The following CTNNA3 variants were observed in gnomAD, a reference collection of about 807,000 sequenced individuals.
CTNNA3 encodes catenin alpha-3.
A neutral mutation model predicts 95.7 loss-of-function variants in CTNNA3; 76 were observed. The ratio of observed to expected loss-of-function variants is 0.79; its 90% confidence interval spans 0.66 to 0.96. The LOEUF is 0.96. Among genes scored for constraint, CTNNA3 ranks in the 40% least tolerant of loss-of-function variants. The probability of loss-of-function intolerance (pLI) is 0.00; values close to 1 mark genes in which losing one functional copy is unlikely to be tolerated. For synonymous variants in CTNNA3, 431 were observed against 374.4 expected, an observed-to-expected ratio of 1.15 and a Z score of -1.74; for missense variants, 1,191 against 1,089.8, an observed-to-expected ratio of 1.09 and a Z score of -1.31.
Position 66,351,699 on chromosome 10 carries a change from G to C in CTNNA3, c.1732+27453C>G, listed in dbSNP as rs2092568151. 4.6e-5 allele frequency among the ~76,000 whole-genome samples: 7 copies of C among 152,052 alleles called. No homozygotes were observed. In the South Asian group the frequency reaches 1.5e-3, roughly 32 times the overall value. On this transcript the variant is annotated intron_variant, in intron 12 of 17. Coordinates refer to ENST00000433211, the MANE Select transcript of CTNNA3 (RefSeq NM_013266.4). ...TTGCACTATCATGTTTAGTAGCATG[G>C]AGAATTTGGTATGGGAAGGTCAAGA...
intron 15 of CTNNA3, among the ~76,000 whole-genome samples, chr10:65,997,818 A>G (rs1003049180): frequency 6.6e-6 from 1 of 152,134 alleles, no homozygotes; most frequent in Non-Finnish European, 1.5e-5. Context: ...GGAGTTCAAG[A>G]CTAGCCTGAG....
chr10:67,574,703 T>C (rs368813705), intron 3 of CTNNA3, among the ~76,000 whole-genome samples: 16 of 151,598 alleles, frequency 1.1e-4, no homozygotes, highest in African/African-American at 3.6e-4. Flanking sequence ...GCCTCAGCCT[T>C]CTGACAAGCT....
chr10:66,220,326 A>G (rs1378663845), intron 13 of CTNNA3, among the ~76,000 whole-genome samples: 1 of 152,114 alleles, frequency 6.6e-6, no homozygotes, highest in Non-Finnish European at 1.5e-5. Flanking sequence ...ATTGAAGTGT[A>G]TCCTTTTGAA....
intron 2 of CTNNA3, among the ~76,000 whole-genome samples, chr10:67,613,636 C>T (rs1044504465): frequency 1.3e-5 from 2 of 151,986 alleles, no homozygotes; most frequent in Non-Finnish European, 2.9e-5. Flanking sequence ...TTTGCCCCCC[C>T]CAACAAAGAC....
chr10:67,467,203 T>C (rs1268858844), intron 5 of CTNNA3, among the ~76,000 whole-genome samples: 1 of 152,148 alleles, frequency 6.6e-6, no homozygotes, highest in Admixed American at 6.6e-5. Context: ...TTTCACATTT[T>C]AAAATTTCAG....
At chr10:67,661,476 GA>G (rs1840187947) in intron 1 of CTNNA3, among the ~76,000 whole-genome samples, 1 of 151,924 alleles carries the variant, frequency 6.6e-6, no homozygotes, top group African/African-American at 2.4e-5. Flanking sequence ...GAAAACATAG[GA>G]AAAAAATCAT....
chr10:66,518,809 C>T (rs1311343436), intron 11 of CTNNA3, among the ~76,000 whole-genome samples: 1 of 151,818 alleles, frequency 6.6e-6, no homozygotes, highest in East Asian at 1.9e-4. Context: ...GAATCAAAGG[C>T]CATTAATTTT....
chr10:66,759,497 C>A (rs999519065), intron 9 of CTNNA3, among the ~76,000 whole-genome samples: 11 of 152,138 alleles, frequency 7.2e-5, no homozygotes, highest in African/African-American at 2.4e-5. Flanking sequence ...ATAATTCATT[C>A]AACATTTATT....
chr10:65,988,836 G>A, intron 15 of CTNNA3, 39 bp from the exon 16 acceptor site: 1 of 1,430,414 alleles, frequency 7.0e-7, no homozygotes, highest in Non-Finnish European at 9.8e-7. Flanking sequence ...TGGTGTTCAT[G>A]AGAAAATATA....
At chr10:66,594,942 T>C (rs1843662609) in intron 10 of CTNNA3, among the ~76,000 whole-genome samples, 1 of 152,190 alleles carries the variant, frequency 6.6e-6, no homozygotes, top group South Asian at 2.1e-4. Flanking sequence ...AAATTATTTA[T>C]AACTGCATCT....
intron 5 of CTNNA3, among the ~76,000 whole-genome samples, chr10:67,262,432 G>C (rs1258280414): frequency 6.6e-6 from 1 of 152,064 alleles, no homozygotes; most frequent in Non-Finnish European, 1.5e-5. Context: ...AGTTTGAAAG[G>C]GGAGGAAAGC....
intron 5 of CTNNA3, among the ~76,000 whole-genome samples, chr10:67,229,186 T>C (rs1315750241): frequency 6.6e-6 from 1 of 152,180 alleles, no homozygotes; most frequent in Non-Finnish European, 1.5e-5. Context: ...ATAAATGTGA[T>C]ACACCACATA....
intron 12 of CTNNA3, among the ~76,000 whole-genome samples, chr10:66,343,694 A>G (rs1444650534): frequency 6.6e-6 from 1 of 151,996 alleles, no homozygotes; most frequent in African/African-American, 2.4e-5. Context: ...TAACAATAAT[A>G]TATAGTTTCA....
intron 7 of CTNNA3, chr10:67,097,583 C>T: frequency 6.2e-7 from 1 of 1,611,386 alleles, no homozygotes; most frequent in South Asian, 1.1e-5. Context: ...TCATTTTTCC[C>T]CAGATACCTT....
At chr10:67,015,956 T>C (rs1312238722) in intron 7 of CTNNA3, among the ~76,000 whole-genome samples, 1 of 152,184 alleles carries the variant, frequency 6.6e-6, no homozygotes, top group African/African-American at 2.4e-5. Context: ...TTTATTTCTG[T>C]CATTTTTTTC....
chr10:66,409,197 G>T (rs1564935159), intron 11 of CTNNA3, among the ~76,000 whole-genome samples: 1 of 152,084 alleles, frequency 6.6e-6, no homozygotes, highest in Non-Finnish European at 1.5e-5. Flanking sequence ...CTAGAAATAT[G>T]GTTAATGAGG....
At chr10:66,854,668 C>A (rs2132391640) in intron 7 of CTNNA3, among the ~76,000 whole-genome samples, 1 of 151,530 alleles carries the variant, frequency 6.6e-6, no homozygotes, top group South Asian at 2.1e-4. Context: ...CTGACAAGGG[C>A]ATTTCACAAA....
At chr10:66,145,023 A>G (rs1381936808) in intron 13 of CTNNA3, among the ~76,000 whole-genome samples, 8 of 148,432 alleles carry the variant, frequency 5.4e-5, no homozygotes, top group African/African-American at 2.0e-4. Context: ...AGTAGCTTCT[A>G]TATTATGCAT....
chr10:67,302,958 A>C (rs2132503331), intron 5 of CTNNA3, among the ~76,000 whole-genome samples: 1 of 152,342 alleles, frequency 6.6e-6, no homozygotes, highest in African/African-American at 2.4e-5. Flanking sequence ...TGGTCTCTGA[A>C]CCAGCAGCAC....
Sources: allele counts gnomAD v4.1 joint callset (sites outside exome capture counted in the v4.1 genomes callset), GRCh38; gene constraint gnomAD v4.1.1; transcripts MANE v1.5; gene names NCBI Gene and HGNC (gene_info 2026-07-23, HGNC 2026-07-21).